The following ASTN1 variants were observed in gnomAD, a reference collection of about 807,000 sequenced individuals.
The protein encoded by ASTN1 is astrotactin 1, also known as astrotactin-1.
In ASTN1, 41 loss-of-function variants were observed where a neutral mutation model predicts 140.7. The observed-to-expected ratio is 0.29, with a 90% CI of 0.23 to 0.38. The LOEUF (loss-of-function observed/expected upper bound fraction) is 0.38, where lower values mean the gene tolerates loss of function less well. Ranked by LOEUF, ASTN1 falls within the 10% of genes least tolerant of loss-of-function variation. The pLI is 1.00. For missense variants in ASTN1, 1,479 were observed against 1,678.8 expected (o/e 0.88, Z 2.08); for synonymous variants, 640 against 652.2 (o/e 0.98, Z 0.29).
At chr1:177,132,841 C>T (rs1304842089) in intron 1 of ASTN1, among the ~76,000 whole-genome samples, 7 of 152,158 alleles carry the variant, frequency 4.6e-5, no homozygotes, top group Admixed American at 4.6e-4. Flanking sequence ...CACACATTTG[C>T]TTATGCATTT....
At position 176,864,290 on chromosome 1, in the gene ASTN1, C is replaced by T. The variant is rs1395942177; in HGVS notation, c.3879G>A (p.Glu1293=). ...GCTCCCTGGCCTTATGGTGCTAGATCTCTTTGCTGTCCCCATAGTCGTTGT... is the reference window on the plus strand; with the variant it reads ...GCTCCCTGGCCTTATGGTGCTAGATTTCTTTGCTGTCCCCATAGTCGTTGT... ...IPYNDYGDSK[E]I is the part of the protein sequence containing the mutation. Residue 1293 remains glutamate (E), a synonymous_variant, in exon 23 of 23, where the codon GAG becomes GAA. Coordinates refer to ENST00000361833, the MANE Select transcript of ASTN1 (RefSeq NM_004319.3). The T allele has an allele frequency of 1.2e-6, 2 of 1,613,872 alleles. No individual in the cohort carries two copies. Among genetic ancestry groups the T allele is most frequent in the South Asian group, 1.1e-5 (1 of 91,056 alleles).
chr1:176,917,596 A>T (rs149902228), intron 16 of ASTN1, among the ~76,000 whole-genome samples: 213 of 152,224 alleles, frequency 1.4e-3, no homozygotes, highest in Middle Eastern at 0.014. Context: ...GGAGGGAAGG[A>T]TGATGAATTA....
chr1:177,116,687 A>G (rs1014933221), intron 1 of ASTN1, among the ~76,000 whole-genome samples: 2 of 152,088 alleles, frequency 1.3e-5, no homozygotes, highest in East Asian at 1.9e-4. Context: ...CCTTTTGACT[A>G]CCTAACCCAG....
chr1:177,033,123 C>CTGTGTGTGTGTGTGTG (rs10603141), intron 2 of ASTN1, among the ~76,000 whole-genome samples: 257 of 146,310 alleles, frequency 1.8e-3, no homozygotes, highest in African/African-American at 4.6e-3. Flanking sequence ...AGAAACAAGT[C>CTGTGTGTGTGTGTGTG]TGTGTGTGTG....
At chr1:176,945,527 T>A (rs1378167219) in intron 13 of ASTN1, among the ~76,000 whole-genome samples, 1 of 152,210 alleles carries the variant, frequency 6.6e-6, no homozygotes, top group Non-Finnish European at 1.5e-5. Flanking sequence ...GGCAGGACCT[T>A]GGATATGCCC....
intron 1 of ASTN1, among the ~76,000 whole-genome samples, chr1:177,068,559 G>C (rs574263146): frequency 6.6e-6 from 1 of 152,270 alleles, no homozygotes; most frequent in African/African-American, 2.4e-5. Flanking sequence ...AGGAAGCCTG[G>C]AGAATGGGAG....
chr1:177,041,596 C>T (rs563735074), intron 2 of ASTN1, among the ~76,000 whole-genome samples: 13 of 152,204 alleles, frequency 8.5e-5, no homozygotes, highest in South Asian at 2.1e-4. Context: ...TTCTGGGCCA[C>T]GTTCCTTTCC....
chr1:177,138,372 A>G (rs1682297216), intron 1 of ASTN1, among the ~76,000 whole-genome samples: 2 of 152,214 alleles, frequency 1.3e-5, no homozygotes, highest in South Asian at 4.1e-4. Flanking sequence ...AAACTCATTC[A>G]CATTCAACTA....
chr1:177,113,274 A>C (rs550841558), intron 1 of ASTN1, among the ~76,000 whole-genome samples: 99 of 152,320 alleles, frequency 6.5e-4, no homozygotes, highest in African/African-American at 2.2e-3. Flanking sequence ...TCCATACAGC[A>C]GGAAAGAGCC....
At chr1:177,057,976 C>A (rs1451135625) in intron 2 of ASTN1, among the ~76,000 whole-genome samples, 2 of 152,190 alleles carry the variant, frequency 1.3e-5, no homozygotes, top group Non-Finnish European at 2.9e-5. Flanking sequence ...ATTCTAGGAA[C>A]AACATCTTCA....
At chr1:177,086,502 C>T (rs968774616) in intron 1 of ASTN1, among the ~76,000 whole-genome samples, 4 of 152,002 alleles carry the variant, frequency 2.6e-5, no homozygotes, top group Non-Finnish European at 5.9e-5. Flanking sequence ...TGCTAGAATC[C>T]ATTTAGATGC....
chr1:176,903,346 C>T (rs1157766898), intron 16 of ASTN1, among the ~76,000 whole-genome samples: 1 of 151,972 alleles, frequency 6.6e-6, no homozygotes, highest in East Asian at 1.9e-4. Flanking sequence ...TCCCATCATT[C>T]CTTGCAGAAC....
At chr1:177,094,004 C>A (rs998472486) in intron 1 of ASTN1, among the ~76,000 whole-genome samples, 1 of 152,108 alleles carries the variant, frequency 6.6e-6, no homozygotes, top group Non-Finnish European at 1.5e-5. Flanking sequence ...TATAGAAATG[C>A]CCTGCCAAAA....
At chr1:177,092,150 C>T (rs966420333) in intron 1 of ASTN1, among the ~76,000 whole-genome samples, 1 of 152,164 alleles carries the variant, frequency 6.6e-6, no homozygotes, top group African/African-American at 2.4e-5. Context: ...TCTCCACATC[C>T]TCCACCACAT....
intron 1 of ASTN1, among the ~76,000 whole-genome samples, chr1:177,146,458 T>G (rs1351543712): frequency 6.6e-6 from 1 of 152,242 alleles, no homozygotes; most frequent in Non-Finnish European, 1.5e-5. Context: ...TCATTGTCCA[T>G]GTTGAGACTT....
At chr1:176,931,882 G>T (rs1252397072) in intron 16 of ASTN1, among the ~76,000 whole-genome samples, 2 of 152,208 alleles carry the variant, frequency 1.3e-5, no homozygotes, top group African/African-American at 4.8e-5. Context: ...CTATGACTTT[G>T]TAGAGAGAAG....
chr1:177,135,819 G>A (rs1054065011), intron 1 of ASTN1, among the ~76,000 whole-genome samples: 2 of 152,130 alleles, frequency 1.3e-5, no homozygotes, highest in Admixed American at 6.5e-5. Flanking sequence ...CAGTAGCATG[G>A]AGCTTGTTAG....
chr1:177,100,033 T>G (rs75506084), intron 1 of ASTN1, among the ~76,000 whole-genome samples: 3,333 of 152,300 alleles, frequency 0.022, 52 homozygotes, highest in Non-Finnish European at 0.034. Context: ...GTTAAGTGAT[T>G]GTCCCAAGGA....
At chr1:176,939,685 G>C (rs2103100586) in intron 14 of ASTN1, among the ~76,000 whole-genome samples, 1 of 151,800 alleles carries the variant, frequency 6.6e-6, no homozygotes, top group African/African-American at 2.4e-5. Flanking sequence ...TTTTCAAGCA[G>C]TATCTCTGAC....
Sources: gnomAD v4.1 joint callset for allele counts (sites outside exome capture counted in the v4.1 genomes callset) on GRCh38, gnomAD v4.1.1 for gene constraint, MANE v1.5 for transcripts, NCBI Gene and HGNC (gene_info 2026-07-23, HGNC 2026-07-21) for gene names.